GOSR2: variants seen among roughly 807,000 people sequenced by gnomAD.
GOSR2 encodes the protein golgi SNAP receptor complex member 2.
GOSR2 carries 20 observed loss-of-function variants against 27.9 expected under a neutral mutation model. The observed-to-expected ratio is 0.72, with a 90% CI of 0.50 to 1.04. The LOEUF (loss-of-function observed/expected upper bound fraction) is 1.04, where lower values mean the gene tolerates loss of function less well. GOSR2 is among the 50% of genes least tolerant of loss of function. The pLI, the probability that GOSR2 is intolerant of heterozygous loss-of-function variation, is 0.00. For synonymous variants in GOSR2, 91 were observed against 98.8 expected, an observed-to-expected ratio of 0.92 and a Z score of 0.47; for missense variants, 261 against 270.5, an observed-to-expected ratio of 0.97 and a Z score of 0.25.
At chr17:46,975,735 G>A (rs1257489916), downstream of GOSR2, among the ~76,000 whole-genome samples, 1 of 152,118 alleles carries the variant, frequency 6.6e-6, no homozygotes, top group Non-Finnish European at 1.5e-5. Flanking sequence ...CACCACAGGG[G>A]ACCCAAACAC....
intron 6 of GOSR2, among the ~76,000 whole-genome samples, chr17:46,954,754 T>C (rs2090599053): frequency 6.6e-6 from 1 of 152,234 alleles, no homozygotes; most frequent in Non-Finnish European, 1.5e-5. Context: ...CCCTTGTAAA[T>C]TGGATTCCTA....
rs777988995 is a variant in GOSR2, at chr17:46,935,020, C to T, written c.337-9C>T. The stretch of plus-strand genomic sequence containing the variant: ...CAAAGTTAATCAAGTGCCTGTGTTT[C>T]TTTCACAGGACTCTGACACCACCAT... On this transcript the variant is annotated splice_polypyrimidine_tract_variant and intron_variant, in intron 4 of 5. Coordinates refer to ENST00000640051, the MANE Select transcript of GOSR2 (RefSeq NM_004287.5). The T allele has an allele frequency of 2.5e-6, 4 of 1,611,696 alleles. No individual in the cohort carries two copies. The highest frequency in any genetic ancestry group is 2.5e-6 in the Non-Finnish European group (3 of 1,177,720).
At chr17:46,972,582 C>T (rs2147346463) in intron 6 of GOSR2, among the ~76,000 whole-genome samples, 1 of 152,366 alleles carries the variant, frequency 6.6e-6, no homozygotes, top group Non-Finnish European at 1.5e-5. Flanking sequence ...ATGTTGGCCT[C>T]TGCCCATCTG....
Position 46,953,556 on chromosome 17 carries a change from T to A in GOSR2, c.584-12978T>A, listed in dbSNP as rs552240933. Among the ~76,000 whole-genome samples, 5 of 152,352 alleles carry A rather than the reference T, an allele frequency of 3.3e-5. No homozygotes were observed. The East Asian group carries it at 9.6e-4, about 29-fold the overall frequency. ...AGCATGATTTATAATCCTTTGGGTA[T>A]ATACCCAGTAATGGGATGGCTGGGT... On this transcript the variant is annotated intron_variant, in intron 6 of 6. Coordinates refer to the GOSR2 transcript ENST00000573224.
At chr17:46,974,594 C>T (rs1339110833) in intron 6 of GOSR2, among the ~76,000 whole-genome samples, 1 of 152,070 alleles carries the variant, frequency 6.6e-6, no homozygotes, top group South Asian at 2.1e-4. Context: ...ATTAGCTGGG[C>T]GTGGTGGCGG....
At chr17:46,929,399 C>G (rs750726280) in intron 1 of GOSR2, 121 bp from the exon 2 acceptor site, 76 of 710,520 alleles carry the variant, frequency 1.1e-4, no homozygotes, top group Non-Finnish European at 1.8e-4. Flanking sequence ...ACAAATTTTA[C>G]AGTTCAGTGA....
intron 1 of GOSR2, among the ~76,000 whole-genome samples, chr17:46,928,784 A>G (rs1355984253): frequency 6.6e-6 from 1 of 152,194 alleles, no homozygotes; most frequent in Admixed American, 6.5e-5. Context: ...CTTGTAATCC[A>G]CATGTCTTGA....
At chr17:46,963,465 A>C (rs2091176785) in intron 6 of GOSR2, among the ~76,000 whole-genome samples, 2 of 151,728 alleles carry the variant, frequency 1.3e-5, no homozygotes, top group Admixed American at 6.6e-5. Flanking sequence ...GAATTGCTTG[A>C]ACCTGGGAGG....
In GOSR2 at chr17:46,966,945, G is replaced by A. The variant is rs570207446; in HGVS notation, c.*221G>A. ...TTATTTGAATCTGGCTAGAGAAAAT[G>A]CTCACCTTCTTCCTTGTGTTTTGCT... is the stretch of plus-strand genomic sequence containing the variant. On this transcript the variant is annotated 3_prime_UTR_variant, in exon 7 of 7. Transcript: ENST00000573224. 16 of 376,136 alleles carry A rather than the reference G, an allele frequency of 4.3e-5. No homozygotes were observed. The South Asian group carries it at 1.9e-3, about 44-fold the overall frequency. 23.3% of individuals were successfully genotyped at this position (376,136 alleles called of 1,614,324 possible). A position where few individuals can be genotyped will look rare whatever the true frequency, so the allele number is the denominator to read the frequency against.
chr17:46,926,440 T>G (rs1246919929), intron 1 of GOSR2, among the ~76,000 whole-genome samples: 1 of 152,180 alleles, frequency 6.6e-6, no homozygotes, highest in Non-Finnish European at 1.5e-5. Flanking sequence ...TTCCTAGATC[T>G]TCTGTAAACC....
Position 46,929,699 on chromosome 17 carries a change from TTTG to T in GOSR2, c.94+121_94+123del, listed in dbSNP as rs1225562273. On this transcript the variant is annotated intron_variant, in intron 2 of 5. Transcript: ENST00000640051. ...CTTAATGATTCAGCGTGGAATGAGT[TTTG>T]TTGTTAGGGTGGACAGAAAAACCCT... 1.3e-5 allele frequency: 9 copies of T among 701,600 alleles called. No individual in the cohort carries two copies. In the African/African-American group the frequency reaches 1.4e-4, roughly 11 times the overall value. The allele number at this position is 701,600 out of a possible 1,614,324, so 43.5% of individuals were successfully genotyped here.
intron 4 of GOSR2, 82 bp from the exon 5 acceptor site, chr17:46,934,947 C>A (rs926792258): frequency 7.8e-7 from 1 of 1,287,828 alleles, no homozygotes; most frequent in South Asian, 1.2e-5. Context: ...TCTGGCTTGG[C>A]CTTGGCCAAA....
chr17:46,950,717 G>T (rs1449254793), intron 6 of GOSR2, among the ~76,000 whole-genome samples: 1 of 152,144 alleles, frequency 6.6e-6, no homozygotes, highest in Non-Finnish European at 1.5e-5. Context: ...GAGAGGGCAG[G>T]GACTGGTCTG....
At chr17:46,970,557 A>AAAACTCAAG (rs1179847221), downstream of GOSR2, among the ~76,000 whole-genome samples, 31 of 151,496 alleles carry the variant, frequency 2.0e-4, no homozygotes, top group Non-Finnish European at 3.5e-4. Flanking sequence ...AAAAAAAAAA[A>AAAACTCAAG]AAACTCAAGA....
downstream of GOSR2, among the ~76,000 whole-genome samples, chr17:46,970,279 G>A (rs1433859020): frequency 6.6e-6 from 1 of 152,104 alleles, no homozygotes; most frequent in African/African-American, 2.4e-5. Flanking sequence ...GGTGGCTCAC[G>A]CCTGTAATCC....
intron 2 of GOSR2, chr17:46,930,667 TA>T (rs33927730): frequency 0.3 from 44,112 of 146,510 alleles, 6,750 homozygotes; most frequent in South Asian, 0.45. Flanking sequence ...TTTTTTTAAA[TA>T]AAAAAAAAAA....
chr17:46,961,215 AATAAT>A, intron 6 of GOSR2, among the ~76,000 whole-genome samples: 1 of 152,294 alleles, frequency 6.6e-6, no homozygotes, highest in South Asian at 2.1e-4. Context: ...AAAAAACAGA[AATAAT>A]ATGTATAATT....
At chr17:46,924,937 AC>A (rs1436657735) in intron 1 of GOSR2, among the ~76,000 whole-genome samples, 1 of 152,190 alleles carries the variant, frequency 6.6e-6, no homozygotes, top group Non-Finnish European at 1.5e-5. Flanking sequence ...GAAGGCCATG[AC>A]CCATTTTATA....
chr17:46,948,819 C>T (rs2090117407), intron 6 of GOSR2: 3 of 152,244 alleles, frequency 2.0e-5, no homozygotes, highest in African/African-American at 7.2e-5. Context: ...GGGCTTGGGA[C>T]TGCCTGGGTT....
Sources: gnomAD v4.1 joint callset for allele counts (sites outside exome capture counted in the v4.1 genomes callset) on GRCh38, gnomAD v4.1.1 for gene constraint, MANE v1.5 for transcripts, NCBI Gene and HGNC (gene_info 2026-07-23, HGNC 2026-07-21) for gene names.